PAX7: variants seen among roughly 807,000 people sequenced by gnomAD.
PAX7 encodes paired box 7.
A neutral mutation model predicts 50.7 loss-of-function variants in PAX7; 18 were observed. The ratio of observed to expected loss-of-function variants is 0.36; its 90% confidence interval spans 0.25 to 0.53. PAX7 has a LOEUF of 0.53. Ranked by LOEUF, PAX7 falls within the 20% of genes least tolerant of loss-of-function variation. PAX7 has a pLI of 0.93. For synonymous variants in PAX7, 310 were observed against 290.4 expected, an observed-to-expected ratio of 1.07 and a Z score of -0.69; for missense variants, 644 against 702.9, an observed-to-expected ratio of 0.92 and a Z score of 0.95.
chr1:18,744,683 T>TGGATGGAC, intron 8 of PAX7, 131 bp from the exon 9 acceptor site: 1 of 591,292 alleles, frequency 1.7e-6, no homozygotes, highest in South Asian at 1.8e-5. Context: ...GATGGATGGA[T>TGGATGGAC]GGATAAATGG....
Position 18,746,069 on chromosome 1 carries a change from G to C in PAX7, c.*1140G>C, listed in dbSNP as rs1931424911. The C allele has an allele frequency of 4.3e-6, 1 of 231,602 alleles. No homozygotes were observed. Among genetic ancestry groups the C allele is most frequent in the South Asian group, 1.8e-4 (1 of 5,518 alleles). 14.3% of individuals were successfully genotyped at this position (231,602 alleles called of 1,614,324 possible). A position where few individuals can be genotyped will look rare whatever the true frequency, so the allele number is the denominator to read the frequency against. On this transcript the variant is annotated 3_prime_UTR_variant, in exon 9 of 9. Transcript: ENST00000420770. ...CTCCATCTTCCCCAAACCCCTTTCA[G>C]TTTGTGGGGATGCAGAGAGCTACCC... is the stretch of plus-strand genomic sequence containing the variant.
chr1:18,644,557 G>A (rs993181575), intron 4 of PAX7, among the ~76,000 whole-genome samples: 8 of 151,954 alleles, frequency 5.3e-5, no homozygotes, highest in African/African-American at 1.7e-4. Flanking sequence ...GGTCTTTGGG[G>A]CTTCTAGAGG....
intron 4 of PAX7, among the ~76,000 whole-genome samples, chr1:18,657,971 C>T (rs1448652789): frequency 6.6e-6 from 1 of 152,164 alleles, no homozygotes; most frequent in Non-Finnish European, 1.5e-5. Flanking sequence ...ATACTGGGCC[C>T]TTTTGTCCCC....
chr1:18,744,239 C>G (rs775770977), intron 8 of PAX7, among the ~76,000 whole-genome samples: 1 of 152,184 alleles, frequency 6.6e-6, no homozygotes, highest in Non-Finnish European at 1.5e-5. Context: ...TTCACAGGGC[C>G]TTCTCCATAG....
rs2088169542 is a variant in PAX7 at position 18,636,956 on chromosome 1, A to T, written c.586+585A>T. Among the ~76,000 whole-genome samples the T allele has an allele frequency of 6.6e-6, 1 of 152,088 alleles. No individual in the cohort carries two copies. Among genetic ancestry groups the T allele is most frequent in the African/African-American group, 2.4e-5 (1 of 41,420 alleles). On this transcript the variant is annotated intron_variant, in intron 4 of 8. Transcript: ENST00000420770. This position sits in a 1 kb window ranked among gnomAD's most constrained non-coding sequence, Gnocchi z 5.1. ...CCGCGTTGCCAGGGCGGACTGGGGG[A>T]CAGAGAGTGCCTTCCTCTGTGGCGT...
At chr1:18,705,743 T>C (rs2089274866) in intron 7 of PAX7, among the ~76,000 whole-genome samples, 1 of 152,112 alleles carries the variant, frequency 6.6e-6, no homozygotes, top group African/African-American at 2.4e-5. Context: ...GGATGACGTG[T>C]TTTCCATCCT....
intron 7 of PAX7, among the ~76,000 whole-genome samples, chr1:18,725,817 C>T (rs573601654): frequency 7.1e-4 from 108 of 152,312 alleles, no homozygotes; most frequent in Non-Finnish European, 6.5e-4. Flanking sequence ...CACCAGGGGC[C>T]CTGAGCCCTT....
intron 4 of PAX7, among the ~76,000 whole-genome samples, chr1:18,678,949 G>A (rs2088860737): frequency 1.3e-5 from 2 of 152,206 alleles, no homozygotes; most frequent in Non-Finnish European, 2.9e-5. Flanking sequence ...CGGTCACTCT[G>A]CCATTGAGTT....
At chr1:18,638,691 T>A (rs556164866) in intron 4 of PAX7, among the ~76,000 whole-genome samples, 4 of 152,194 alleles carry the variant, frequency 2.6e-5, no homozygotes, top group Admixed American at 2.6e-4. Context: ...AGCATAGATG[T>A]GCAGGGAGTG....
At chr1:18,713,817 C>T (rs964051210) in intron 7 of PAX7, among the ~76,000 whole-genome samples, 4 of 152,178 alleles carry the variant, frequency 2.6e-5, no homozygotes, top group East Asian at 1.9e-4. Context: ...AGGTTGGTGC[C>T]GACCAGACAG....
Position 18,744,468 on chromosome 1 carries a change from A to C in PAX7, c.1403-346A>C, listed in dbSNP as rs947540209. ...GATGGATGGATGGATGGATGGATGG[A>C]TGGATGGATGGATAAATGGATGGAT... On this transcript the variant is annotated intron_variant, in intron 8 of 8. Coordinates refer to ENST00000420770, the MANE Select transcript of PAX7 (RefSeq NM_001135254.2). 2.1e-4 allele frequency among the ~76,000 whole-genome samples: 31 copies of C among 151,018 alleles called. No individual in the cohort carries two copies. The East Asian group carries it at 6.1e-3, about 30-fold the overall frequency.
Position 18,735,561 on chromosome 1 carries a change from A to T in PAX7, c.1156-71A>T, listed in dbSNP as rs1317863531. 51 of 1,551,206 alleles carry T rather than the reference A, an allele frequency of 3.3e-5. No homozygotes were observed. The highest frequency in any genetic ancestry group is 4.3e-5 in the Non-Finnish European group (49 of 1,143,518). Reference sequence around the variant, plus strand: ...AAGAGTGTTCCAGGGCCAGCCTGGCATTGTGCCCAGTGTGCTCGTGTCTCT... The same window carrying T: ...AAGAGTGTTCCAGGGCCAGCCTGGCTTTGTGCCCAGTGTGCTCGTGTCTCT... On this transcript the variant is annotated intron_variant, in intron 7 of 8. Transcript: ENST00000420770. This position sits in a 1 kb window ranked among gnomAD's most constrained non-coding sequence, Gnocchi z 4.0.
Position 18,689,466 on chromosome 1 carries a change from G to A in PAX7, c.587-2288G>A, listed in dbSNP as rs28631765. Among the ~76,000 whole-genome samples, 269 of 152,270 alleles carry A rather than the reference G, an allele frequency of 1.8e-3. 2 individuals are homozygous for A. The highest frequency in any genetic ancestry group is 6.1e-3 in the African/African-American group (253 of 41,568). ...AAAAGCAAGGGCAGGGGTTAGATCT[G>A]ACTCCAGGTCTCTGCCCTTGGGGAT... On this transcript the variant is annotated intron_variant, in intron 4 of 8. Coordinates refer to ENST00000420770, the MANE Select transcript of PAX7 (RefSeq NM_001135254.2).
intron 7 of PAX7, among the ~76,000 whole-genome samples, chr1:18,727,324 A>G (rs1570236261): frequency 6.6e-6 from 1 of 151,068 alleles, no homozygotes; most frequent in East Asian, 2.0e-4. Context: ...CACACACAGT[A>G]TTCACACATG....
chr1:18,734,992 C>G (rs534596948), intron 7 of PAX7, among the ~76,000 whole-genome samples: 241 of 152,296 alleles, frequency 1.6e-3, no homozygotes, highest in Non-Finnish European at 2.8e-3. Flanking sequence ...CCTGGCCAGG[C>G]AGGGAAGGAG....
chr1:18,674,722 G>C (rs1369634134), intron 4 of PAX7, among the ~76,000 whole-genome samples: 2 of 152,248 alleles, frequency 1.3e-5, no homozygotes, highest in Non-Finnish European at 2.9e-5. Context: ...TGATGGGTGA[G>C]AGGGGTTGTG....
At position 18,725,749 on chromosome 1, in the gene PAX7, AT is replaced by A. The variant is rs764194241; in HGVS notation, c.1156-9880del. Among the ~76,000 whole-genome samples the A allele has an allele frequency of 2.0e-5, 3 of 151,904 alleles. No homozygotes were observed. The East Asian group carries it at 5.8e-4, about 29-fold the overall frequency. ...GAGTCACTCTAATCCCTCGTCCACC[AT>A]TTATCGAGCCATCAGAGATGGTTTC... On this transcript the variant is annotated intron_variant, in intron 7 of 8. Transcript: ENST00000420770.
intron 4 of PAX7, among the ~76,000 whole-genome samples, chr1:18,678,899 G>A (rs747350146): frequency 3.9e-5 from 6 of 152,308 alleles, no homozygotes; most frequent in South Asian, 2.1e-4. Context: ...TGCCCATCGC[G>A]ATGGTTAAGA....
At chr1:18,744,705 G>GATGA (rs1557564762) in intron 8 of PAX7, 109 bp from the exon 9 acceptor site, 10 of 598,102 alleles carry the variant, frequency 1.7e-5, no homozygotes, top group Non-Finnish European at 2.7e-5. Context: ...TGGATGGATG[G>GATGA]ATGGATGGAT....
Sources: allele counts gnomAD v4.1 joint callset (sites outside exome capture counted in the v4.1 genomes callset), GRCh38; gene constraint gnomAD v4.1.1; non-coding constraint Gnocchi (gnomAD v3.1); transcripts MANE v1.5; gene names NCBI Gene and HGNC (gene_info 2026-07-23, HGNC 2026-07-21).